DCAF5: variants seen among roughly 807,000 people sequenced by gnomAD.
DCAF5 encodes the protein DDB1- and CUL4-associated factor 5.
A neutral mutation model predicts 80.7 loss-of-function variants in DCAF5; 9 were observed. The observed-to-expected ratio is 0.11, with a 90% CI of 0.07 to 0.19. The LOEUF is 0.19. Among genes scored for constraint, DCAF5 ranks in the 10% least tolerant of loss-of-function variants. DCAF5 has a pLI of 1.00. For synonymous variants in DCAF5, 433 were observed against 461.9 expected (o/e 0.94, Z 0.80); for missense variants, 842 against 1,205.7 (o/e 0.70, Z 4.47).
At chr14:69,085,141 A>C in intron 6 of DCAF5, 1 of 764,410 alleles carries the variant, frequency 1.3e-6, no homozygotes, top group South Asian at 1.4e-5. Context: ...TCATACATAC[A>C]AACCTACGAT....
chr14:69,113,130 G>T (rs1417539272), intron 5 of DCAF5, among the ~76,000 whole-genome samples: 1 of 152,070 alleles, frequency 6.6e-6, no homozygotes, highest in Non-Finnish European at 1.5e-5. Flanking sequence ...GAGAGGTATA[G>T]TGTAGGCTTG....
Position 69,062,527 on chromosome 14 carries a change from G to GA in DCAF5, c.947-17dup. 6.2e-7 allele frequency: 1 copy of GA among 1,608,146 alleles called. No homozygotes were observed. The highest frequency in any genetic ancestry group is 8.5e-7 in the Non-Finnish European group (1 of 1,176,440). On this transcript the variant is annotated splice_polypyrimidine_tract_variant and intron_variant, in intron 7 of 8. Coordinates refer to ENST00000341516, the MANE Select transcript of DCAF5 (RefSeq NM_003861.3). Reference sequence around the variant, plus strand: ...CCAATGCCACCTGGGAAAACAGAAGGAAACAAAAATCAGATGATGAAATGA... The same window carrying GA: ...CCAATGCCACCTGGGAAAACAGAAGGAAAACAAAAATCAGATGATGAAATGA...
intron 1 of DCAF5, among the ~76,000 whole-genome samples, chr14:69,131,747 G>T (rs1435108301): frequency 1.4e-5 from 2 of 147,586 alleles, no homozygotes; most frequent in Non-Finnish European, 3.0e-5. Flanking sequence ...AGGAAGAAAA[G>T]CACTTTCCAG....
chr14:69,075,285 G>T, intron 7 of DCAF5, 60 bp downstream of exon 7: 1 of 1,416,884 alleles, frequency 7.1e-7, no homozygotes, highest in South Asian at 1.3e-5. Context: ...TCAGGGCACA[G>T]CATGCCAAAG....
In DCAF5 at chr14:69,055,069, C is replaced by T. The variant is rs141468073; in HGVS notation, c.1617G>A (p.Glu539=). The part of the protein sequence containing the change: ...NESDSEENVC[E]VELDTDLFPR... Reference sequence around the variant, plus strand: ...GAAAGAGATCTGTGTCTAGTTCCACCTCACAGACATTCTCCTCAGAATCGG... The same window carrying T: ...GAAAGAGATCTGTGTCTAGTTCCACTTCACAGACATTCTCCTCAGAATCGG... Residue 539 remains glutamate (E), a synonymous_variant, in exon 9 of 9, where the codon GAG becomes GAA. Transcript: ENST00000341516. This position sits in a 1 kb window ranked among gnomAD's most constrained non-coding sequence, Gnocchi z 5.6. 19 of 1,614,184 alleles carry T rather than the reference C, an allele frequency of 1.2e-5. No homozygotes were observed. Among genetic ancestry groups the T allele is most frequent in the Non-Finnish European group, 1.6e-5 (19 of 1,180,018 alleles).
chr14:69,083,575 A>G (rs2039199366), intron 6 of DCAF5: 1 of 446,508 alleles, frequency 2.2e-6, no homozygotes, highest in Non-Finnish European at 4.2e-6. Context: ...AAAACATTCT[A>G]TGAATGTGGG....
At chr14:69,107,422 C>A (rs1353124283) in intron 5 of DCAF5, among the ~76,000 whole-genome samples, 2 of 152,144 alleles carry the variant, frequency 1.3e-5, no homozygotes, top group African/African-American at 4.8e-5. Flanking sequence ...ATGGCAGAAT[C>A]AAAGGTCCCA....
intron 1 of DCAF5, among the ~76,000 whole-genome samples, chr14:69,143,032 A>G (rs1226529326): frequency 6.6e-6 from 1 of 152,162 alleles, no homozygotes; most frequent in Admixed American, 6.5e-5. Flanking sequence ...ACTTTAGATA[A>G]CTGCAAACAT....
At position 69,118,558 on chromosome 14, in the gene DCAF5, CA is replaced by C. The variant is rs1444882137; in HGVS notation, c.396-281del. ...CTGAGTTTTGTATTTTCATTTATTA[CA>C]GAATGCATCTGCTTGTGTACAGATT... On this transcript the variant is annotated intron_variant, in intron 3 of 8. Coordinates refer to ENST00000341516, the MANE Select transcript of DCAF5 (RefSeq NM_003861.3). This position sits in a 1 kb window ranked among gnomAD's most constrained non-coding sequence, Gnocchi z 4.0. 7.2e-5 allele frequency among the ~76,000 whole-genome samples: 11 copies of C among 152,228 alleles called. 2 individuals are homozygous for C. Among genetic ancestry groups the C allele is most frequent in the African/African-American group, 2.6e-4 (11 of 41,542 alleles).
chr14:69,129,566 C>T (rs2040979034), intron 1 of DCAF5, among the ~76,000 whole-genome samples: 1 of 152,214 alleles, frequency 6.6e-6, no homozygotes, highest in Non-Finnish European at 1.5e-5. Context: ...CCCTTAATCT[C>T]CTAGTCAGTT....
chr14:69,152,522 G>C lies in DCAF5; in HGVS notation c.214+243C>G, dbSNP rs1035156085. On this transcript the variant is annotated intron_variant, in intron 1 of 8. Coordinates refer to ENST00000341516, the MANE Select transcript of DCAF5 (RefSeq NM_003861.3). This position sits in a 1 kb window ranked among gnomAD's most constrained non-coding sequence, Gnocchi z 4.1. ...GGCAGGCATCAGGAGAGATCACTTT[G>C]CACTTGGGATAAAGCGAATTAAGGA... The C allele has an allele frequency of 1.1e-5, 6 of 539,318 alleles. No individual in the cohort carries two copies. The highest frequency in any genetic ancestry group is 3.2e-5 in the Admixed American group (1 of 31,380). 33.4% of individuals were successfully genotyped at this position (539,318 alleles called of 1,614,324 possible).
intron 7 of DCAF5, among the ~76,000 whole-genome samples, chr14:69,067,789 A>G (rs936799293): frequency 1.3e-5 from 2 of 151,466 alleles, no homozygotes; most frequent in Non-Finnish European, 2.9e-5. Flanking sequence ...GGCACGCACC[A>G]CCAAGCCCAG....
chr14:69,063,204 C>T (rs755374050), intron 7 of DCAF5, among the ~76,000 whole-genome samples: 9 of 152,230 alleles, frequency 5.9e-5, no homozygotes, highest in Middle Eastern at 3.4e-3. Context: ...AAGAGGACAT[C>T]GATAGAAAGC....
intron 1 of DCAF5, among the ~76,000 whole-genome samples, chr14:69,139,166 CAGAG>C (rs1026191396): frequency 2.4e-4 from 36 of 151,154 alleles, no homozygotes; most frequent in Admixed American, 7.9e-4. Flanking sequence ...AGGAAAGAAA[CAGAG>C]AGAGAGAGAA....
chr14:69,115,820 T>G (rs2040526814), intron 5 of DCAF5, among the ~76,000 whole-genome samples: 1 of 152,208 alleles, frequency 6.6e-6, no homozygotes, highest in South Asian at 2.1e-4. Context: ...CTTAACCTTT[T>G]GTTGTTGTCA....
Position 69,055,672 on chromosome 14 carries a change from TG to T in DCAF5, c.1075-62del, listed in dbSNP as rs771235479. On this transcript the variant is annotated intron_variant, in intron 8 of 8. Transcript: ENST00000341516. The surrounding 1 kb of genome is among the most constrained non-coding windows in gnomAD (Gnocchi z 5.6). ...TAACTGGAAAGTATTCTTTCACTGGTGGTGATAAAGAACACCAAGGCAGAAC... is the reference window on the plus strand; with the variant it reads ...TAACTGGAAAGTATTCTTTCACTGGTGTGATAAAGAACACCAAGGCAGAAC... The T allele has an allele frequency of 3.1e-5, 47 of 1,513,778 alleles. No individual in the cohort carries two copies. Among genetic ancestry groups the T allele is most frequent in the Non-Finnish European group, 4.1e-5 (46 of 1,117,526 alleles). The allele number at this position is 1,513,778 out of a possible 1,614,324, so 93.8% of individuals were successfully genotyped here.
At position 69,054,294 on chromosome 14, in the gene DCAF5, G is replaced by A; in HGVS notation, c.2392C>T (p.Pro798Ser). The A allele has an allele frequency of 6.2e-7, 1 of 1,614,216 alleles. No individual in the cohort carries two copies. The highest frequency in any genetic ancestry group is 1.1e-5 in the South Asian group (1 of 91,082). ...RAEEPPSPPVPKASGSTLNSG... is the reference protein window; with the variant it reads ...RAEEPPSPPVSKASGSTLNSG... ...TTGAGAGTGGAGCCAGATGCCTTGGGGACAGGAGGAGAAGGCGGCTCCTCA... is the reference window on the plus strand; with the variant it reads ...TTGAGAGTGGAGCCAGATGCCTTGGAGACAGGAGGAGAAGGCGGCTCCTCA... Residue 798 changes from proline (P) to serine (S), a missense_variant, in exon 9 of 9, where the codon CCC (proline) becomes TCC (serine). Coordinates refer to ENST00000341516, the MANE Select transcript of DCAF5 (RefSeq NM_003861.3).
intron 8 of DCAF5, among the ~76,000 whole-genome samples, chr14:69,058,537 C>T (rs200767759): frequency 6.7e-6 from 1 of 148,504 alleles, no homozygotes; most frequent in East Asian, 2.0e-4. Flanking sequence ...AAAAAAAATA[C>T]ATATATATAT....
rs539313346 is a variant in DCAF5 at position 69,067,428 on chromosome 14, C to G, written c.947-4917G>C. Among the ~76,000 whole-genome samples, 1,308 of 151,270 alleles carry G rather than the reference C, an allele frequency of 8.6e-3. 12 individuals are homozygous for G. Among genetic ancestry groups the G allele is most frequent in the Non-Finnish European group, 0.012 (807 of 67,834 alleles). ...GCATGATTTTAGCTCACTGCAACCC[C>G]CCGCTCCCAGGCTCAAGCAATCCTC... On this transcript the variant is annotated intron_variant, in intron 7 of 8. Transcript: ENST00000341516.
Sources: allele counts gnomAD v4.1 joint callset (sites outside exome capture counted in the v4.1 genomes callset), GRCh38; gene constraint gnomAD v4.1.1; non-coding constraint Gnocchi (gnomAD v3.1); transcripts MANE v1.5; gene names NCBI Gene and HGNC (gene_info 2026-07-23, HGNC 2026-07-21).